Variants in LGR6 observed in about 807,000 individuals in gnomAD.
LGR6 encodes leucine-rich repeat-containing G protein-coupled receptor 6.
Under a neutral mutation model 69.4 loss-of-function variants are expected in LGR6, and 45 were observed. The ratio of observed to expected loss-of-function variants is 0.65; its 90% CI spans 0.51 to 0.83. LGR6 has a LOEUF of 0.83. Among genes scored for constraint, LGR6 ranks in the 40% least tolerant of loss-of-function variants. The probability of loss-of-function intolerance (pLI) is 0.00; values close to 1 mark genes in which losing one functional copy is unlikely to be tolerated. For synonymous variants in LGR6, 538 were observed against 555.0 expected, an observed-to-expected ratio of 0.97 and a Z score of 0.43; for missense variants, 1,108 against 1,246.7, an observed-to-expected ratio of 0.89 and a Z score of 1.68.
intron 5 of LGR6, among the ~76,000 whole-genome samples, chr1:202,278,481 G>T (rs1440726131): frequency 1.3e-5 from 2 of 152,148 alleles, no homozygotes; most frequent in African/African-American, 4.8e-5. Context: ...AAACCTACTG[G>T]TGCGGGAGCA....
At chr1:202,194,636 ATGTCTGT>A (rs889203104) in intron 1 of LGR6, 3 of 504,998 alleles carry the variant, frequency 5.9e-6, no homozygotes, top group Non-Finnish European at 1.2e-5. Flanking sequence ...GGTGGAAATA[ATGTCTGT>A]TCTTCTGCCA....
At chr1:202,202,748 T>C (rs1437411616) in intron 1 of LGR6, among the ~76,000 whole-genome samples, 3 of 152,160 alleles carry the variant, frequency 2.0e-5, no homozygotes, top group Admixed American at 1.3e-4. Flanking sequence ...ATTTCACCTA[T>C]TTGACTCTGC....
chr1:202,302,051 G>C (rs1471836754), intron 9 of LGR6, among the ~76,000 whole-genome samples: 1 of 152,126 alleles, frequency 6.6e-6, no homozygotes, highest in Non-Finnish European at 1.5e-5. Flanking sequence ...GCCGGACGTG[G>C]TGGTGCATGC....
intron 1 of LGR6, among the ~76,000 whole-genome samples, chr1:202,210,103 T>C (rs1163898246): frequency 6.6e-6 from 1 of 152,218 alleles, no homozygotes; most frequent in Non-Finnish European, 1.5e-5. Flanking sequence ...ATTTAGGATG[T>C]AAGGGGCTGA....
intron 6 of LGR6, among the ~76,000 whole-genome samples, chr1:202,284,030 C>T (rs571786996): frequency 3.9e-5 from 6 of 152,250 alleles, no homozygotes; most frequent in African/African-American, 1.4e-4. Context: ...CTCTTTTACT[C>T]CAAAAGAGCC....
At chr1:202,315,536 T>C (rs1654079970) in intron 17 of LGR6, among the ~76,000 whole-genome samples, 1 of 152,266 alleles carries the variant, frequency 6.6e-6, no homozygotes. Context: ...TTCGCTTGCA[T>C]ATAAAATGCT....
chr1:202,249,489 C>T (rs1400101302), intron 4 of LGR6, among the ~76,000 whole-genome samples: 2 of 152,212 alleles, frequency 1.3e-5, no homozygotes, highest in Admixed American at 6.5e-5. Context: ...ACTGATGGTT[C>T]TCAAGTCTTA....
intron 1 of LGR6, among the ~76,000 whole-genome samples, chr1:202,216,257 T>G (rs1659775058): frequency 6.6e-6 from 1 of 152,238 alleles, no homozygotes; most frequent in South Asian, 2.1e-4. Context: ...CATTTGTTGG[T>G]TACTTACCAT....
chr1:202,281,315 G>A (rs959180271), intron 6 of LGR6, among the ~76,000 whole-genome samples: 2 of 152,152 alleles, frequency 1.3e-5, no homozygotes, highest in Non-Finnish European at 2.9e-5. Flanking sequence ...GGGACTGTTT[G>A]CCAATTGATC....
At chr1:202,298,989 G>A (rs1667379004) in intron 7 of LGR6, among the ~76,000 whole-genome samples, 1 of 151,666 alleles carries the variant, frequency 6.6e-6, no homozygotes, top group African/African-American at 2.4e-5. Context: ...GCCGGGCGTG[G>A]TGGTTCATGC....
At chr1:202,236,996 AG>A (rs2148001762) in intron 4 of LGR6, among the ~76,000 whole-genome samples, 1 of 152,182 alleles carries the variant, frequency 6.6e-6, no homozygotes, top group South Asian at 2.1e-4. Context: ...CCTTACACAG[AG>A]GGCCAGCTGT....
At chr1:202,286,239 T>C (rs945901240) in intron 6 of LGR6, among the ~76,000 whole-genome samples, 8 of 152,188 alleles carry the variant, frequency 5.3e-5, no homozygotes, top group African/African-American at 1.7e-4. Flanking sequence ...CCTGGCGGGC[T>C]CCATGACAGA....
chr1:202,255,733 C>G (rs895223676), intron 4 of LGR6, among the ~76,000 whole-genome samples: 5 of 152,316 alleles, frequency 3.3e-5, no homozygotes, highest in African/African-American at 1.2e-4. Context: ...CTGTGTATTT[C>G]TCTATGAGCA....
At chr1:202,273,542 C>G (rs180809310) in intron 4 of LGR6, among the ~76,000 whole-genome samples, 1 of 151,784 alleles carries the variant, frequency 6.6e-6, no homozygotes, top group East Asian at 1.9e-4. Flanking sequence ...ACCACACCCT[C>G]CGCCTCCCAG....
chr1:202,298,612 C>T (rs1402443235), intron 7 of LGR6: 1 of 151,896 alleles, frequency 6.6e-6, no homozygotes, highest in Non-Finnish European at 1.5e-5. Flanking sequence ...ACCTCCACCT[C>T]ACAGGTTCAA....
chr1:202,285,028 AGG>A (rs1666294290), intron 6 of LGR6, among the ~76,000 whole-genome samples: 1 of 152,252 alleles, frequency 6.6e-6, no homozygotes, highest in Non-Finnish European at 1.5e-5. Flanking sequence ...TCTCTAAATC[AGG>A]ACCAGCATTC....
chr1:202,207,782 T>C (rs886135839), intron 1 of LGR6, among the ~76,000 whole-genome samples: 1 of 152,190 alleles, frequency 6.6e-6, no homozygotes, highest in Non-Finnish European at 1.5e-5. Flanking sequence ...AGTTAATATA[T>C]GCAAAGTGCC....
In LGR6 at chr1:202,307,399, G is replaced by C. The variant is rs1467939430; in HGVS notation, c.1278G>C (p.Lys426Asn). 1 of 1,613,968 alleles carries C rather than the reference G, an allele frequency of 6.2e-7. No homozygotes were observed. The highest frequency in any genetic ancestry group is 8.5e-7 in the Non-Finnish European group (1 of 1,179,844). Residue 426 changes from lysine to asparagine, a missense_variant and splice_region_variant, in exon 14 of 18, where the codon AAG becomes AAC. Physicochemically the swap from Lys to Asn is moderately conservative, Grantham distance 94. Transcript: ENST00000367278. Reference sequence around the variant, plus strand: ...TCTCCACCCTGCACTCCCTGGTCAAGCTGTAAGTGCCTGCTGCATTCTCCT... The same window carrying C: ...TCTCCACCCTGCACTCCCTGGTCAACCTGTAAGTGCCTGCTGCATTCTCCT... Reference protein sequence around the residue: ...EAFSTLHSLVKLDLTDNQLTT... With the variant: ...EAFSTLHSLVNLDLTDNQLTT...
Position 202,240,703 on chromosome 1 carries a change from A to G in LGR6, c.428+4710A>G, listed in dbSNP as rs147468789. Among the ~76,000 whole-genome samples the G allele has an allele frequency of 3.6e-4, 55 of 152,280 alleles. 1 individual carries two copies. Among genetic ancestry groups the G allele is most frequent in the East Asian group, 1.3e-3 (7 of 5,188 alleles). On this transcript the variant is annotated intron_variant, in intron 4 of 17. Transcript: ENST00000367278. ...AGGCCCCACAGCAAGGTGCTACTCT[A>G]TCTTATTCAGGTCCTTCTGTCTTAG... is the stretch of plus-strand genomic sequence containing the variant.
Sources: allele counts gnomAD v4.1 joint callset (sites outside exome capture counted in the v4.1 genomes callset), GRCh38; gene constraint gnomAD v4.1.1; transcripts MANE v1.5; gene names NCBI Gene and HGNC (gene_info 2026-07-23, HGNC 2026-07-21).